The following PER2 variants were observed in gnomAD, a reference collection of about 807,000 sequenced individuals.
PER2 encodes the protein period circadian regulator 2.
In PER2, 66 loss-of-function variants were observed where a neutral mutation model predicts 121.0. The ratio of observed to expected loss-of-function variants is 0.55; its 90% confidence interval spans 0.45 to 0.67. PER2 has a LOEUF of 0.67. Among genes scored for constraint, PER2 ranks in the 30% least tolerant of loss-of-function variants. PER2 has a pLI of 0.00. For synonymous variants in PER2, 684 were observed against 659.9 expected (o/e 1.04, Z -0.56); for missense variants, 1,521 against 1,635.0 (o/e 0.93, Z 1.20).
At position 238,252,892 on chromosome 2, in the gene PER2, G is replaced by A; in HGVS notation, c.3111+20C>T. On this transcript the variant is annotated intron_variant, in intron 19 of 22. Transcript: ENST00000254657. This position sits in a 1 kb window ranked among gnomAD's most constrained non-coding sequence, Gnocchi z 4.2. Reference sequence around the variant, plus strand: ...CTGTTTGCTGCCTGCTTTGGGGAAAGAGCATCAGAAAATCCTTACGGTCAG... The same window carrying A: ...CTGTTTGCTGCCTGCTTTGGGGAAAAAGCATCAGAAAATCCTTACGGTCAG... The A allele has an allele frequency of 6.2e-7, 1 of 1,608,996 alleles. No homozygotes were observed. Among genetic ancestry groups the A allele is most frequent in the Non-Finnish European group, 8.5e-7 (1 of 1,177,096 alleles).
At chr2:238,266,007 G>T (rs111606004) in intron 8 of PER2, among the ~76,000 whole-genome samples, 3 of 151,800 alleles carry the variant, frequency 2.0e-5, no homozygotes, top group African/African-American at 7.3e-5. Flanking sequence ...AGGTTCAAGC[G>T]ATTCTCCTGC....
chr2:238,291,428 C>G (rs563766800), upstream of PER2, among the ~76,000 whole-genome samples: 43 of 152,354 alleles, frequency 2.8e-4, no homozygotes, highest in African/African-American at 8.4e-4. Flanking sequence ...TGAGCAACTA[C>G]TATGTACCAG....
In PER2 at chr2:238,262,266, T is replaced by A; in HGVS notation, c.1232A>T (p.Asp411Val). The A allele has an allele frequency of 3.1e-6, 5 of 1,613,948 alleles. No homozygotes were observed. Among genetic ancestry groups the A allele is most frequent in the Non-Finnish European group, 4.2e-6 (5 of 1,179,932 alleles). Reference protein sequence around the residue: ...RARNGEYITLDTSWSSFINPW... With the variant: ...RARNGEYITLVTSWSSFINPW... ...GTTGATGAAGCTGGACCAGCTGGTG[T>A]CCAACGTGATGTACTCTCCGTTCCG... The change falls in exon 11 of 23, where the codon GAC becomes GTC. Residue 411 changes from aspartate (D) to valine (V), a missense_variant. By Grantham distance (152) the Asp-to-Val change is radical. Coordinates refer to ENST00000254657, the MANE Select transcript of PER2 (RefSeq NM_022817.3).
intron 10 of PER2, 80 bp downstream of exon 10, chr2:238,262,872 G>T: frequency 2.1e-6 from 2 of 949,846 alleles, no homozygotes; most frequent in South Asian, 1.4e-5. Context: ...GTCAGAGCTA[G>T]ACTGGTCCCA....
chr2:238,260,253 C>T (rs1399749846), intron 13 of PER2, among the ~76,000 whole-genome samples, 200 bp from the exon 14 acceptor site: 1 of 151,506 alleles, frequency 6.6e-6, no homozygotes, highest in Non-Finnish European at 1.5e-5. Flanking sequence ...CAAAACGGCA[C>T]ATTACATTTT....
intron 20 of PER2, 144 bp downstream of exon 20, chr2:238,251,455 T>C (rs1325040729): frequency 1.4e-6 from 1 of 740,672 alleles, no homozygotes. Context: ...AGTGTGTCTG[T>C]GTGGGTGTCT....
In PER2 at chr2:238,279,752, C is replaced by T. The variant is rs762204133; in HGVS notation, c.-19-1797G>A. On this transcript the variant is annotated intron_variant, in intron 1 of 22. Coordinates refer to ENST00000254657, the MANE Select transcript of PER2 (RefSeq NM_022817.3). ...CCACGTGAAATGACCAAGGATCATACAATTGGTCGGGGGGAGGGATCATTT... is the reference window on the plus strand; with the variant it reads ...CCACGTGAAATGACCAAGGATCATATAATTGGTCGGGGGGAGGGATCATTT... Among the ~76,000 whole-genome samples, 89 of 152,224 alleles carry T rather than the reference C, an allele frequency of 5.8e-4. 2 individuals carry two copies. Among genetic ancestry groups the T allele is most frequent in the Admixed American group, 3.3e-4 (5 of 15,288 alleles).
At chr2:238,248,975 T>G in intron 22 of PER2, 87 bp downstream of exon 22, 1 of 1,430,532 alleles carries the variant, frequency 7.0e-7, no homozygotes, top group Non-Finnish European at 9.8e-7. Flanking sequence ...AGTTTTAAAT[T>G]GACAGAAAAG....
chr2:238,278,063 C>T (rs1450243546), intron 1 of PER2, 108 bp from the exon 2 acceptor site: 4 of 1,130,058 alleles, frequency 3.5e-6, no homozygotes, highest in African/African-American at 1.6e-5. Flanking sequence ...AATGAAACTG[C>T]AGTCTCTTTC....
At chr2:238,262,082 G>A (rs969818773) in intron 11 of PER2, 109 bp downstream of exon 11, 18 of 1,121,620 alleles carry the variant, frequency 1.6e-5, no homozygotes, top group Admixed American at 6.8e-5. Flanking sequence ...GCAAGGTTTC[G>A]GTCTTGGCCT....
At chr2:238,266,070 A>T (rs1696089491) in intron 8 of PER2, among the ~76,000 whole-genome samples, 1 of 151,424 alleles carries the variant, frequency 6.6e-6, no homozygotes, top group Non-Finnish European at 1.5e-5. Flanking sequence ...CGCCCAGCTA[A>T]TTTTTTGTAT....
rs761481630 is a variant in PER2, at chr2:238,258,261, A to G, written c.1900+15T>C. The G allele has an allele frequency of 4.3e-6, 7 of 1,613,934 alleles. No individual in the cohort carries two copies. In the African/African-American group the frequency reaches 9.3e-5, roughly 22 times the overall value. Reference sequence around the variant, plus strand: ...CATTATTTCACATGTACATGGCTCTACACAGATTAGATACCTCCAGCGTGT... The same window carrying G: ...CATTATTTCACATGTACATGGCTCTGCACAGATTAGATACCTCCAGCGTGT... On this transcript the variant is annotated intron_variant, in intron 16 of 22. Transcript: ENST00000254657.
upstream of PER2, among the ~76,000 whole-genome samples, chr2:238,290,274 C>T (rs917324470): frequency 5.9e-5 from 9 of 152,108 alleles, no homozygotes; most frequent in Non-Finnish European, 8.8e-5. Context: ...ATTGACACCT[C>T]GACACACTCC....
At position 238,249,092 on chromosome 2, in the gene PER2, C is replaced by T. The variant is rs548759609; in HGVS notation, c.3588G>A (p.Thr1196=). Residue 1196 remains threonine, a synonymous_variant, in exon 22 of 23, where the codon ACG becomes ACA. Coordinates refer to ENST00000254657, the MANE Select transcript of PER2 (RefSeq NM_022817.3). The part of the protein sequence containing the change: ...ELREVHQWMQ[T]GGLPAAIDVA... ...CGTCGATGGCTGCGGGCAGGCCGCCCGTCTGCATCCACTGGTGGACCTCGC... is the reference window on the plus strand; with the variant it reads ...CGTCGATGGCTGCGGGCAGGCCGCCTGTCTGCATCCACTGGTGGACCTCGC... The T allele has an allele frequency of 2.4e-5, 39 of 1,614,200 alleles. No homozygotes were observed. The highest frequency in any genetic ancestry group is 2.3e-4 in the South Asian group (21 of 91,088).
At chr2:238,282,224 C>A (rs1305527771) in intron 1 of PER2, among the ~76,000 whole-genome samples, 1 of 152,232 alleles carries the variant, frequency 6.6e-6, no homozygotes, top group African/African-American at 2.4e-5. Flanking sequence ...CACAGAGACT[C>A]TGCACTTGCT....
chr2:238,285,472 C>A (rs889101664), intron 1 of PER2, among the ~76,000 whole-genome samples: 4 of 152,152 alleles, frequency 2.6e-5, no homozygotes, highest in Non-Finnish European at 4.4e-5. Flanking sequence ...AAATTAGGAA[C>A]GAAAGCAAGC....
In PER2 at chr2:238,251,729, G is replaced by A. The variant is rs763422725; in HGVS notation, c.3144C>T (p.Asp1048=). 1.1e-5 allele frequency: 18 copies of A among 1,609,762 alleles called. No homozygotes were observed. The highest frequency in any genetic ancestry group is 5.0e-5 in the Admixed American group (3 of 59,716). The change falls in exon 20 of 23, where the codon GAC becomes GAT. Residue 1048 remains aspartate, a synonymous_variant. Transcript: ENST00000254657. ...RDEPSDTQNS[D]ALSTSSGLLN... is the part of the protein sequence containing the mutation. Reference sequence around the variant, plus strand: ...GGAGGCCGCTTGACGTGGAAAGGGCGTCACTGTTCTGTGTGTCTGAGGGTT... The same window carrying A: ...GGAGGCCGCTTGACGTGGAAAGGGCATCACTGTTCTGTGTGTCTGAGGGTT...
chr2:238,279,269 T>C (rs1171497004), intron 1 of PER2, among the ~76,000 whole-genome samples: 2 of 152,128 alleles, frequency 1.3e-5, no homozygotes, highest in South Asian at 2.1e-4. Flanking sequence ...AACACAGCTG[T>C]GAGGCTCTGG....
intron 6 of PER2, among the ~76,000 whole-genome samples, chr2:238,269,187 A>T (rs547275443): frequency 6.6e-6 from 1 of 152,234 alleles, no homozygotes; most frequent in Admixed American, 6.5e-5. Flanking sequence ...GGTGCATTAC[A>T]AATTATGCAG....
Sources: allele counts gnomAD v4.1 joint callset (sites outside exome capture counted in the v4.1 genomes callset), GRCh38; gene constraint gnomAD v4.1.1; non-coding constraint Gnocchi (gnomAD v3.1); transcripts MANE v1.5; gene names NCBI Gene and HGNC (gene_info 2026-07-23, HGNC 2026-07-21).